CSMD1: variants seen among roughly 807,000 people sequenced by gnomAD.
CSMD1 encodes CUB and Sushi multiple domains 1.
In CSMD1, 213 loss-of-function variants were observed where a neutral mutation model predicts 417.5. The ratio of observed to expected loss-of-function variants is 0.51; its 90% CI spans 0.46 to 0.57. The LOEUF (loss-of-function observed/expected upper bound fraction) is 0.57. Among genes scored for constraint, CSMD1 ranks in the 20% least tolerant of loss-of-function variants. CSMD1 has a pLI of 0.00. For missense variants in CSMD1, 6,923 were observed against 4,529.7 expected, an observed-to-expected ratio of 1.53 and a Z score of -15.17; for synonymous variants, 2,862 against 1,736.8, an observed-to-expected ratio of 1.65 and a Z score of -16.11.
At chr8:4,033,044 A>C (rs1797431438) in intron 3 of CSMD1, among the ~76,000 whole-genome samples, 1 of 151,068 alleles carries the variant, frequency 6.6e-6, no homozygotes, top group Non-Finnish European at 1.5e-5. Context: ...TGGTCTCTTC[A>C]ATACTTTCTT....
chr8:4,583,624 G>C (rs1187971820), intron 2 of CSMD1, among the ~76,000 whole-genome samples: 1 of 152,158 alleles, frequency 6.6e-6, no homozygotes, highest in East Asian at 1.9e-4. Flanking sequence ...TGCTCTGGTG[G>C]GGCCTTGGAG....
At chr8:4,486,230 C>CATATATATATATATACATACAT (rs1365721926) in intron 2 of CSMD1, among the ~76,000 whole-genome samples, 175 of 13,848 alleles carry the variant, frequency 0.013, 3 homozygotes, top group Middle Eastern at 0.062. Flanking sequence ...TATATACATA[C>CATATATATATATATACATACAT]ATATATATAT....
At chr8:4,664,929 G>A (rs1804821068) in intron 1 of CSMD1, among the ~76,000 whole-genome samples, 1 of 152,140 alleles carries the variant, frequency 6.6e-6, no homozygotes, top group African/African-American at 2.4e-5. Context: ...CATTAGGAAT[G>A]TGTTTGGGAA....
intron 1 of CSMD1, among the ~76,000 whole-genome samples, chr8:4,914,176 C>A (rs1033060304): frequency 6.6e-6 from 1 of 152,098 alleles, no homozygotes; most frequent in African/African-American, 2.4e-5. Context: ...AACAAAAGCA[C>A]GGAGTCATGA....
At chr8:3,656,233 G>T (rs1020681662) in intron 7 of CSMD1, among the ~76,000 whole-genome samples, 1 of 152,090 alleles carries the variant, frequency 6.6e-6, no homozygotes, top group African/African-American at 2.4e-5. Context: ...CCATGTGAGG[G>T]ACCCAGGTAA....
At chr8:4,956,504 A>G (rs1180591594) in intron 1 of CSMD1, among the ~76,000 whole-genome samples, 2 of 148,918 alleles carry the variant, frequency 1.3e-5, no homozygotes, top group African/African-American at 4.9e-5. Context: ...AATATATGTT[A>G]TCATATACAC....
chr8:4,752,298 C>G (rs1811380565), intron 1 of CSMD1, among the ~76,000 whole-genome samples: 1 of 151,970 alleles, frequency 6.6e-6, no homozygotes, highest in Non-Finnish European at 1.5e-5. Context: ...TTAAAATAAC[C>G]CTCTTTCACC....
intron 26 of CSMD1, among the ~76,000 whole-genome samples, chr8:3,273,703 T>A (rs1802052968): frequency 6.6e-6 from 1 of 152,202 alleles, no homozygotes; most frequent in South Asian, 2.1e-4. Context: ...CTTCTAGATT[T>A]TCTAGTTTAT....
chr8:3,575,112 G>A, intron 9 of CSMD1, 46 bp from the exon 10 acceptor site: 1 of 1,584,530 alleles, frequency 6.3e-7, no homozygotes, highest in South Asian at 1.1e-5. Context: ...CATTGTGTCA[G>A]TTTGGTAAAG....
chr8:4,442,752 C>T (rs1798557281), intron 2 of CSMD1, among the ~76,000 whole-genome samples: 1 of 152,112 alleles, frequency 6.6e-6, no homozygotes, highest in Admixed American at 6.5e-5. Context: ...TTTATGTTTG[C>T]ATATAATCCA....
intron 1 of CSMD1, among the ~76,000 whole-genome samples, chr8:4,776,893 G>T (rs6986423): frequency 0.52 from 79,676 of 152,008 alleles, 21,090 homozygotes; most frequent in Admixed American, 0.62. Flanking sequence ...ATCTTTAAAA[G>T]GAGATCATAA....
intron 5 of CSMD1, among the ~76,000 whole-genome samples, chr8:3,888,943 G>A (rs891303866): frequency 6.6e-6 from 1 of 152,086 alleles, no homozygotes; most frequent in Non-Finnish European, 1.5e-5. Flanking sequence ...TTTATGTGAA[G>A]ATTTTATTAA....
At chr8:3,523,091 T>A (rs544195333) in intron 10 of CSMD1, among the ~76,000 whole-genome samples, 18 of 151,204 alleles carry the variant, frequency 1.2e-4, no homozygotes, top group Non-Finnish European at 1.9e-4. Flanking sequence ...TAACTCCACA[T>A]CCAATATTAT....
intron 54 of CSMD1, among the ~76,000 whole-genome samples, chr8:2,986,903 A>T (rs116475186): frequency 6.6e-6 from 1 of 152,032 alleles, no homozygotes; most frequent in South Asian, 2.1e-4. Context: ...TTTTTACTAC[A>T]GCAATAGCAA....
chr8:4,069,026 T>C (rs1418400957), intron 3 of CSMD1, among the ~76,000 whole-genome samples: 1 of 152,258 alleles, frequency 6.6e-6, no homozygotes, highest in Admixed American at 6.5e-5. Context: ...TTTACTTTGC[T>C]TATGTTTTAT....
At chr8:4,321,577 G>C (rs928310203) in intron 3 of CSMD1, among the ~76,000 whole-genome samples, 1 of 151,750 alleles carries the variant, frequency 6.6e-6, no homozygotes, top group African/African-American at 2.4e-5. Context: ...TAAATGGTGT[G>C]AGTATCTGGT....
intron 2 of CSMD1, among the ~76,000 whole-genome samples, chr8:4,581,067 T>A (rs1397494233): frequency 6.6e-6 from 1 of 152,132 alleles, no homozygotes; most frequent in African/African-American, 2.4e-5. Context: ...ATGAAACTAG[T>A]TTACATGACT....
chr8:3,705,369 T>C (rs780364245), intron 7 of CSMD1, among the ~76,000 whole-genome samples: 3 of 152,160 alleles, frequency 2.0e-5, no homozygotes, highest in Non-Finnish European at 4.4e-5. Flanking sequence ...ACCCTGGTGC[T>C]TCCCACGGGC....
intron 3 of CSMD1, among the ~76,000 whole-genome samples, chr8:4,412,089 G>A (rs1038285870): frequency 6.6e-6 from 1 of 151,944 alleles, no homozygotes; most frequent in East Asian, 1.9e-4. Context: ...CAACGTGCAA[G>A]AGTGCGTGCG....
Sources: allele counts gnomAD v4.1 joint callset (sites outside exome capture counted in the v4.1 genomes callset), GRCh38; gene constraint gnomAD v4.1.1; transcripts MANE v1.5; gene names NCBI Gene and HGNC (gene_info 2026-07-23, HGNC 2026-07-21).